FAS: variants seen among roughly 807,000 people sequenced by gnomAD.
FAS encodes Fas cell surface death receptor.
Under a neutral mutation model 33.2 loss-of-function variants are expected in FAS, and 5 were observed. The observed-to-expected ratio is 0.15, with a 90% CI of 0.08 to 0.32. The LOEUF is 0.32. Among genes scored for constraint, FAS ranks in the 10% least tolerant of loss-of-function variants. The pLI is 1.00. For missense variants in FAS, 339 were observed against 386.0 expected (o/e 0.88, Z 1.02); for synonymous variants, 131 against 130.7 (o/e 1.00, Z -0.01).
At chr10:88,965,126 T>C (rs1370233400) in intron 1 of FAS, among the ~76,000 whole-genome samples, 1 of 152,202 alleles carries the variant, frequency 6.6e-6, no homozygotes, top group African/African-American at 2.4e-5. Flanking sequence ...GCATTTTTTC[T>C]ACAGGGAGAA....
At chr10:88,993,767 T>A (rs9658679) in intron 1 of FAS, among the ~76,000 whole-genome samples, 54 of 145,568 alleles carry the variant, frequency 3.7e-4, no homozygotes, top group African/African-American at 1.4e-3. Context: ...ATTTAATAAT[T>A]TTTCTTAAGC....
At chr10:88,993,787 G>A (rs762854530) in intron 1 of FAS, among the ~76,000 whole-genome samples, 1 of 98,276 alleles carries the variant, frequency 1.0e-5, no homozygotes, top group Non-Finnish European at 2.0e-5. Flanking sequence ...CCAACCTAAC[G>A]AACATATTGG....
At chr10:88,968,375 G>T (rs564027184) in intron 1 of FAS, among the ~76,000 whole-genome samples, 1 of 152,108 alleles carries the variant, frequency 6.6e-6, no homozygotes, top group Non-Finnish European at 1.5e-5. Flanking sequence ...CAGGGTTTTT[G>T]ATCATCTTGG....
chr10:89,001,315 A>G (rs1427652778), intron 1 of FAS, among the ~76,000 whole-genome samples: 1 of 140,224 alleles, frequency 7.1e-6, no homozygotes, highest in Non-Finnish European at 1.5e-5. Flanking sequence ...GTTTGCTTTG[A>G]ACTTCAATAA....
chr10:88,978,531 GC>G (rs1471766618), intron 2 of FAS, among the ~76,000 whole-genome samples: 2 of 152,218 alleles, frequency 1.3e-5, no homozygotes, highest in African/African-American at 4.8e-5. Flanking sequence ...CATCACCCCT[GC>G]TCTGACCTGT....
At chr10:88,998,603 A>G (rs562082573) in intron 1 of FAS, among the ~76,000 whole-genome samples, 1 of 152,280 alleles carries the variant, frequency 6.6e-6, no homozygotes, top group East Asian at 1.9e-4. Flanking sequence ...GTATCACTAT[A>G]TGAATTTGGG....
rs200239064 is a variant in FAS, at chr10:89,007,667, G to T, written c.197-33G>T. 517 of 1,612,788 alleles carry T rather than the reference G, an allele frequency of 3.2e-4. 1 individual carries two copies. In the Middle Eastern group the frequency reaches 3.6e-3, roughly 11 times the overall value. On this transcript the variant is annotated intron_variant, in intron 2 of 8. Coordinates refer to ENST00000652046, the MANE Select transcript of FAS (RefSeq NM_000043.6). ...CCACCCTGTTACCTGCCCGTGTCCT[G>T]TTCAAACACTTGCTCCTTTTTTCCT...
chr10:88,977,376 A>C (rs566743908), intron 2 of FAS, among the ~76,000 whole-genome samples: 6 of 151,452 alleles, frequency 4.0e-5, no homozygotes, highest in Admixed American at 1.3e-4. Context: ...TCAGCTTTCT[A>C]CATATGGCTA....
intron 1 of FAS, among the ~76,000 whole-genome samples, chr10:89,002,258 C>T (rs967695649): frequency 6.6e-6 from 1 of 152,172 alleles, no homozygotes; most frequent in Non-Finnish European, 1.5e-5. Flanking sequence ...AAGTCCTGGT[C>T]CTGAGTCTCT....
At position 89,014,243 on chromosome 10, in the gene FAS, C is replaced by T. The variant is rs969444218; in HGVS notation, c.801C>T (p.Val267=). The T allele has an allele frequency of 8.7e-6, 14 of 1,613,892 alleles. No individual in the cohort carries two copies. Among genetic ancestry groups the T allele is most frequent in the Admixed American group, 5.0e-5 (3 of 60,008 alleles). Residue 267 remains valine (V), a synonymous_variant, in exon 9 of 9, where the codon GTC becomes GTT. Transcript: ENST00000652046. ...AKIDEIKNDN[V]QDTAEQKVQL... Reference sequence around the variant, plus strand: ...TAGATGAGATCAAGAATGACAATGTCCAAGACACAGCAGAACAGAAAGTTC... The same window carrying T: ...TAGATGAGATCAAGAATGACAATGTTCAAGACACAGCAGAACAGAAAGTTC...
At chr10:89,007,590 C>A (rs2296602) in intron 2 of FAS, 110 bp from the exon 3 acceptor site, 15 of 1,390,432 alleles carry the variant, frequency 1.1e-5, no homozygotes, top group Middle Eastern at 2.3e-4. Flanking sequence ...GCCTACCCCC[C>A]CTCCCCTTGT....
In FAS at chr10:89,016,124, G is replaced by A; in HGVS notation, c.*1674G>A. On this transcript the variant is annotated 3_prime_UTR_variant, in exon 9 of 9. Coordinates refer to ENST00000652046, the MANE Select transcript of FAS (RefSeq NM_000043.6). ...TCTTTCCTGCATATTATCCATTCTA[G>A]CTACATGCTGGCCAGTGGGCCACCT... The A allele has an allele frequency of 4.5e-6, 1 of 223,136 alleles. No individual in the cohort carries two copies. The highest frequency in any genetic ancestry group is 8.9e-6 in the Non-Finnish European group (1 of 111,758). The allele number at this position is 223,136 out of a possible 1,614,324, so 13.8% of individuals were successfully genotyped here.
chr10:89,006,876 C>A (rs1442334956), intron 2 of FAS, among the ~76,000 whole-genome samples: 1 of 78,256 alleles, frequency 1.3e-5, no homozygotes, highest in African/African-American at 5.0e-5. Flanking sequence ...AATACAGTGA[C>A]AAACTTTATT....
chr10:89,011,549 GATTCT>G (rs1300140423), intron 6 of FAS, among the ~76,000 whole-genome samples: 2 of 152,208 alleles, frequency 1.3e-5, no homozygotes, highest in African/African-American at 4.8e-5. Context: ...GAGACATACA[GATTCT>G]TCTATCTCAC....
At chr10:89,010,968 G>C in intron 6 of FAS, 153 bp downstream of exon 6, 2 of 850,302 alleles carry the variant, frequency 2.4e-6, no homozygotes, top group South Asian at 2.8e-5. Context: ...AGAGCTGACT[G>C]ATAAGAACAA....
chr10:88,986,678 T>TACA (rs1422829002), upstream of FAS, among the ~76,000 whole-genome samples: 29 of 64,954 alleles, frequency 4.5e-4, no homozygotes, highest in Non-Finnish European at 7.5e-4. Flanking sequence ...AAGGAAGTAG[T>TACA]GCAGGAAGGA....
intron 2 of FAS, among the ~76,000 whole-genome samples, chr10:88,976,873 T>C (rs1846576660): frequency 6.6e-6 from 1 of 152,240 alleles, no homozygotes; most frequent in Non-Finnish European, 1.5e-5. Context: ...TTAGAGCTTC[T>C]TAGAGGCTCA....
chr10:88,967,696 TGTTACTGTAAG>T (rs1479967885), intron 1 of FAS, among the ~76,000 whole-genome samples: 1 of 152,184 alleles, frequency 6.6e-6, no homozygotes, highest in Non-Finnish European at 1.5e-5. Context: ...TTCATGATTT[TGTTACTGTAAG>T]CCATGTCTGG....
upstream of FAS, among the ~76,000 whole-genome samples, chr10:88,988,464 T>C (rs1846985421): frequency 6.7e-6 from 1 of 148,762 alleles, no homozygotes; most frequent in Non-Finnish European, 1.5e-5. Context: ...TTCCTGTTTT[T>C]TTACATAGTC....
Sources: gnomAD v4.1 joint callset for allele counts (sites outside exome capture counted in the v4.1 genomes callset) on GRCh38, gnomAD v4.1.1 for gene constraint, MANE v1.5 for transcripts, NCBI Gene and HGNC (gene_info 2026-07-23, HGNC 2026-07-21) for gene names.